FRAS1: variants seen among roughly 807,000 people sequenced by gnomAD.
FRAS1 encodes the protein Fraser extracellular matrix complex subunit 1, also known as extracellular matrix organizing protein FRAS1.
In FRAS1, 290 loss-of-function variants were observed where a neutral mutation model predicts 435.2. The observed-to-expected ratio is 0.67, with a 90% CI of 0.61 to 0.73. FRAS1 has a LOEUF of 0.73. Ranked by LOEUF, FRAS1 falls within the 30% of genes least tolerant of loss-of-function variation. The pLI is 0.00. For missense variants in FRAS1, 4,860 were observed against 5,001.5 expected (o/e 0.97, Z 0.85); for synonymous variants, 1,800 against 1,851.0 (o/e 0.97, Z 0.71).
intron 2 of FRAS1, among the ~76,000 whole-genome samples, chr4:78,229,582 A>C (rs761591858): frequency 6.6e-6 from 1 of 152,194 alleles, no homozygotes; most frequent in Non-Finnish European, 1.5e-5. Flanking sequence ...TGTAGGCAGC[A>C]CTGCCCTAGT....
intron 60 of FRAS1, among the ~76,000 whole-genome samples, 183 bp from the exon 61 acceptor site, chr4:78,499,534 ATAAT>A (rs1720613988): frequency 6.6e-6 from 1 of 152,248 alleles, no homozygotes. Flanking sequence ...TCACAAATAA[ATAAT>A]TTTTTCCAAA....
chr4:78,161,742 C>CAAAAAAAAAAAAAAAAAAA (rs71214399), intron 2 of FRAS1, among the ~76,000 whole-genome samples: 361 of 24,952 alleles, frequency 0.014, 3 homozygotes, highest in Middle Eastern at 0.038. Flanking sequence ...AACTCTGTCT[C>CAAAAAAAAAAAAAAAAAAA]AAAAAAAAAA....
At chr4:78,252,346 T>C (rs1375393130) in intron 4 of FRAS1, 46 bp from the exon 5 acceptor site, 4 of 1,572,930 alleles carry the variant, frequency 2.5e-6, no homozygotes, top group Non-Finnish European at 2.6e-6. Context: ...TGAAAGCCTG[T>C]GTTTTGGCAC....
At chr4:78,368,153 A>G (rs1180589846) in intron 22 of FRAS1, among the ~76,000 whole-genome samples, 2 of 151,722 alleles carry the variant, frequency 1.3e-5, no homozygotes, top group East Asian at 1.9e-4. Flanking sequence ...GCAAAAAAAA[A>G]GGGATAAAAA....
rs751352994 is a variant in FRAS1 at position 78,414,958 on chromosome 4, G to C, written c.4425+1873G>C. On this transcript the variant is annotated intron_variant, in intron 32 of 73. Transcript: ENST00000512123. ...CCAAATCCAGCAGAGCATGAGAGAG[G>C]GTCACAGAAGCTTCCTCTGGGGGTG... 1.9e-4 allele frequency among the ~76,000 whole-genome samples: 29 copies of C among 152,136 alleles called. 1 individual carries two copies. The highest frequency in any genetic ancestry group is 3.3e-4 in the Admixed American group (5 of 15,272).
Position 78,255,267 on chromosome 4 carries a change from GT to G in FRAS1, c.498del (p.Gln167ArgfsTer8). 6.4e-7 allele frequency: 1 copy of G among 1,553,344 alleles called. No individual in the cohort carries two copies. Among genetic ancestry groups the G allele is most frequent in the South Asian group, 1.2e-5 (1 of 84,146 alleles). ...AACCCTGTTCCTATGAAGGCCATGT[GT>G]TTCAGGATGGGGAGGACTGGCGGCT... ...GKPCSYEGHV[F>X]QDGEDWRLSR... On this transcript the variant is annotated frameshift_variant, in exon 6 of 74. Transcript: ENST00000512123. LOFTEE classifies it high-confidence loss of function.
At chr4:78,451,187 T>C (rs936414593) in intron 45 of FRAS1, among the ~76,000 whole-genome samples, 7 of 152,162 alleles carry the variant, frequency 4.6e-5, no homozygotes, top group Admixed American at 3.9e-4. Context: ...CACAACCAAA[T>C]TGAAAGATGC....
chr4:78,272,933 TC>T (rs954446328), intron 9 of FRAS1, among the ~76,000 whole-genome samples: 21 of 152,382 alleles, frequency 1.4e-4, no homozygotes, highest in Admixed American at 3.3e-4. Flanking sequence ...TGTTGATTCT[TC>T]CTATCCATGA....
intron 61 of FRAS1, among the ~76,000 whole-genome samples, chr4:78,503,469 C>T (rs1208879547): frequency 6.6e-6 from 1 of 152,182 alleles, no homozygotes; most frequent in Non-Finnish European, 1.5e-5. Context: ...GGAATTTATT[C>T]ATTTCTTCTA....
intron 2 of FRAS1, among the ~76,000 whole-genome samples, chr4:78,165,294 T>C (rs1352271909): frequency 1.3e-5 from 2 of 152,184 alleles, no homozygotes; most frequent in Non-Finnish European, 2.9e-5. Flanking sequence ...TCTAATCTCA[T>C]GAAAAGGTCG....
chr4:78,433,230 C>T (rs1031997132), intron 38 of FRAS1, among the ~76,000 whole-genome samples: 1 of 152,182 alleles, frequency 6.6e-6, no homozygotes, highest in African/African-American at 2.4e-5. Flanking sequence ...GGTAATTAAA[C>T]TCATCTTCTT....
intron 65 of FRAS1, among the ~76,000 whole-genome samples, chr4:78,514,466 T>C (rs568229263): frequency 1.3e-5 from 2 of 152,382 alleles, no homozygotes; most frequent in South Asian, 2.1e-4. Context: ...TTCTCTTTCA[T>C]ATTCATTAAG....
At position 78,455,642 on chromosome 4, in the gene FRAS1, G is replaced by A. The variant is rs529105530; in HGVS notation, c.6763+3288G>A. 4.6e-5 allele frequency among the ~76,000 whole-genome samples: 7 copies of A among 152,246 alleles called. No individual in the cohort carries two copies. In the East Asian group the frequency reaches 1.2e-3, roughly 25 times the overall value. ...ATAATTGATTGTCCTCTGTAGACAGGAAAGGTGGGGAAATCTCTTCTTCCC... is the reference window on the plus strand; with the variant it reads ...ATAATTGATTGTCCTCTGTAGACAGAAAAGGTGGGGAAATCTCTTCTTCCC... On this transcript the variant is annotated intron_variant, in intron 47 of 73. Transcript: ENST00000512123.
At chr4:78,486,552 A>T (rs1174645523) in intron 58 of FRAS1, among the ~76,000 whole-genome samples, 3 of 152,140 alleles carry the variant, frequency 2.0e-5, no homozygotes, top group African/African-American at 7.2e-5. Flanking sequence ...CAGTCAGGGG[A>T]AGTTGATTCT....
chr4:78,307,395 G>T (rs1728801858), intron 14 of FRAS1, among the ~76,000 whole-genome samples: 1 of 152,252 alleles, frequency 6.6e-6, no homozygotes, highest in Non-Finnish European at 1.5e-5. Context: ...GGTCCACCCA[G>T]TTGGAGCTTC....
intron 9 of FRAS1, among the ~76,000 whole-genome samples, chr4:78,278,349 A>T (rs6533573): frequency 0.23 from 35,229 of 152,152 alleles, 5,096 homozygotes; most frequent in Non-Finnish European, 0.33. Context: ...ACTTTCCTAG[A>T]CTATAACATT....
chr4:78,100,638 G>A (rs72860622), intron 2 of FRAS1, among the ~76,000 whole-genome samples: 9,434 of 152,252 alleles, frequency 0.062, 792 homozygotes, highest in African/African-American at 0.19. Flanking sequence ...TTTATTATCT[G>A]TCATGATCTT....
chr4:78,387,828 T>C (rs1446714079), intron 29 of FRAS1, 127 bp downstream of exon 29: 2 of 616,298 alleles, frequency 3.2e-6, no homozygotes, highest in Non-Finnish European at 5.3e-6. Context: ...TATAACCTAT[T>C]ATATAGAGGG....
chr4:78,136,465 G>A (rs189458226), intron 2 of FRAS1, among the ~76,000 whole-genome samples: 231 of 152,288 alleles, frequency 1.5e-3, no homozygotes, highest in Non-Finnish European at 2.9e-3. Flanking sequence ...TGCATAATGA[G>A]GATCAACTGT....
Sources: gnomAD v4.1 joint callset for allele counts (sites outside exome capture counted in the v4.1 genomes callset) on GRCh38, gnomAD v4.1.1 for gene constraint, MANE v1.5 for transcripts, NCBI Gene and HGNC (gene_info 2026-07-23, HGNC 2026-07-21) for gene names.